PHLDB2: variants seen among roughly 807,000 people sequenced by gnomAD.
PHLDB2 encodes the protein pleckstrin homology-like domain family B member 2.
Under a neutral mutation model 123.6 loss-of-function variants are expected in PHLDB2, and 71 were observed. The observed-to-expected ratio is 0.57, with a 90% CI of 0.47 to 0.70. The LOEUF is 0.70. Among genes scored for constraint, PHLDB2 ranks in the 30% least tolerant of loss-of-function variants. The pLI is 0.00. For missense variants in PHLDB2, 1,446 were observed against 1,519.5 expected (o/e 0.95, Z 0.80); for synonymous variants, 547 against 541.6 (o/e 1.01, Z -0.14).
At chr3:111,848,090 A>C (rs2064084229) in intron 2 of PHLDB2, among the ~76,000 whole-genome samples, 1 of 152,108 alleles carries the variant, frequency 6.6e-6, no homozygotes, top group Non-Finnish European at 1.5e-5. Context: ...TGCGACCCTC[A>C]CCTTCCCCCG....
intron 1 of PHLDB2, among the ~76,000 whole-genome samples, chr3:111,816,982 C>A (rs2062107245): frequency 6.6e-6 from 1 of 152,160 alleles, no homozygotes; most frequent in South Asian, 2.1e-4. Context: ...AGTTTCCCTG[C>A]ACAAGCTCTC....
chr3:111,932,443 T>G (rs73230451), intron 6 of PHLDB2, 46 bp downstream of exon 6: 1 of 1,521,378 alleles, frequency 6.6e-7, no homozygotes, highest in Non-Finnish European at 8.9e-7. Flanking sequence ...TTTTCGTTTT[T>G]GTTTTTCACT....
intron 1 of PHLDB2, among the ~76,000 whole-genome samples, chr3:111,748,397 C>T (rs2059714544): frequency 1.3e-5 from 2 of 152,254 alleles, no homozygotes; most frequent in African/African-American, 4.8e-5. Context: ...CTTGGGCTTT[C>T]TTTATTGGTA....
At chr3:111,967,973 TGCAA>T in intron 15 of PHLDB2, 149 bp downstream of exon 15, 1 of 71,286 alleles carries the variant, frequency 1.4e-5, no homozygotes, top group East Asian at 2.2e-4. Context: ...TGCATTCCTG[TGCAA>T]AAAAAAAAAA....
At chr3:111,758,927 G>A (rs6768713) in intron 1 of PHLDB2, among the ~76,000 whole-genome samples, 75,894 of 151,876 alleles carry the variant, frequency 0.5, 19,564 homozygotes, top group African/African-American at 0.62. Context: ...AACAAGCTAT[G>A]TTTTGCTAAT....
At chr3:111,758,684 C>A (rs2059943584) in intron 1 of PHLDB2, among the ~76,000 whole-genome samples, 2 of 152,172 alleles carry the variant, frequency 1.3e-5, no homozygotes, top group Non-Finnish European at 1.5e-5. Context: ...AGAAATCACC[C>A]ATCTTCTGTG....
At chr3:111,779,471 C>A (rs567466737) in intron 1 of PHLDB2, among the ~76,000 whole-genome samples, 2 of 152,168 alleles carry the variant, frequency 1.3e-5, no homozygotes, top group Admixed American at 1.3e-4. Context: ...CAATGTTGAG[C>A]TCTCACTTGT....
At chr3:111,775,668 T>C (rs2060256139) in intron 1 of PHLDB2, among the ~76,000 whole-genome samples, 1 of 152,174 alleles carries the variant, frequency 6.6e-6, no homozygotes, top group African/African-American at 2.4e-5. Flanking sequence ...GAAACTAGAA[T>C]ACTCAGGAAA....
At chr3:111,846,864 A>G (rs2064016071) in intron 2 of PHLDB2, among the ~76,000 whole-genome samples, 1 of 152,212 alleles carries the variant, frequency 6.6e-6, no homozygotes, top group African/African-American at 2.4e-5. Context: ...AAAATAAAAC[A>G]GAAACATTGC....
rs2066720348 is a variant in PHLDB2 at position 111,894,749 on chromosome 3, T to C, written c.1335+9337T>C. On this transcript the variant is annotated intron_variant, in intron 2 of 17. Transcript: ENST00000431670. ...CTGTTCATATCCTTTGCCCACTTTT[T>C]GATAGGGTTGTTTTTTTCTTGTAAA... 2.6e-5 allele frequency among the ~76,000 whole-genome samples: 4 copies of C among 152,124 alleles called. No homozygotes were observed. In the South Asian group the frequency reaches 8.3e-4, roughly 32 times the overall value.
intron 1 of PHLDB2, among the ~76,000 whole-genome samples, chr3:111,734,422 T>G (rs1453433858): frequency 6.6e-6 from 1 of 152,080 alleles, no homozygotes; most frequent in Admixed American, 6.6e-5. Context: ...TACAAAAAAT[T>G]TTTTTTAAAA....
chr3:111,967,975 CAA>C (rs58918022), intron 15 of PHLDB2, 151 bp downstream of exon 15: 9,717 of 66,944 alleles, frequency 0.15, 216 homozygotes, highest in East Asian at 0.28. Flanking sequence ...CATTCCTGTG[CAA>C]AAAAAAAAAA....
At chr3:111,855,399 C>CTCTT (rs999624216), upstream of PHLDB2, among the ~76,000 whole-genome samples, 2 of 147,738 alleles carry the variant, frequency 1.4e-5, no homozygotes, top group Non-Finnish European at 3.0e-5. Context: ...GAAAGACTCT[C>CTCTT]TCTTTCTTCC....
chr3:111,790,612 G>T (rs879499156), intron 1 of PHLDB2, among the ~76,000 whole-genome samples: 1 of 152,130 alleles, frequency 6.6e-6, no homozygotes, highest in South Asian at 2.1e-4. Context: ...AGAACCTTTC[G>T]CAGATGCAAG....
At chr3:111,741,541 C>G (rs779918373) in intron 1 of PHLDB2, among the ~76,000 whole-genome samples, 5 of 151,116 alleles carry the variant, frequency 3.3e-5, no homozygotes, top group Admixed American at 6.6e-5. Flanking sequence ...GTGCATGTCT[C>G]TGTGTGTGTG....
intron 1 of PHLDB2, among the ~76,000 whole-genome samples, chr3:111,753,895 A>C (rs952285015): frequency 6.6e-6 from 1 of 152,220 alleles, no homozygotes; most frequent in Non-Finnish European, 1.5e-5. Flanking sequence ...AGCACCATTT[A>C]TTAAATAGGG....
chr3:111,748,308 A>G (rs13074817), intron 1 of PHLDB2, among the ~76,000 whole-genome samples: 75,116 of 151,934 alleles, frequency 0.49, 19,096 homozygotes, highest in African/African-American at 0.61. Context: ...AATTTGCATT[A>G]CTCAGTGAAG....
Position 111,964,420 on chromosome 3 carries a change from A to T in PHLDB2, c.3077+2108A>T, listed in dbSNP as rs535517589. Among the ~76,000 whole-genome samples, 66 of 151,980 alleles carry T rather than the reference A, an allele frequency of 4.3e-4. 1 individual carries two copies. The South Asian group carries it at 0.012, about 27-fold the overall frequency. ...AATGGTGCAATTTCAGCTCACTGCA[A>T]CCTCTGTCTTGCAGGTTCAAGCAAT... On this transcript the variant is annotated intron_variant, in intron 13 of 17. Coordinates refer to ENST00000431670, the MANE Select transcript of PHLDB2 (RefSeq NM_001134438.2).
intron 2 of PHLDB2, among the ~76,000 whole-genome samples, chr3:111,911,266 T>C (rs2067865030): frequency 6.6e-6 from 1 of 152,246 alleles, no homozygotes; most frequent in African/African-American, 2.4e-5. Flanking sequence ...CCAAGGCTAA[T>C]GTATACATGT....
Sources: gnomAD v4.1 joint callset for allele counts (sites outside exome capture counted in the v4.1 genomes callset) on GRCh38, gnomAD v4.1.1 for gene constraint, MANE v1.5 for transcripts, NCBI Gene and HGNC (gene_info 2026-07-23, HGNC 2026-07-21) for gene names.